MCCC1: variants seen among roughly 807,000 people sequenced by gnomAD.
MCCC1 encodes the protein methylcrotonyl-CoA carboxylase subunit 1.
Under a neutral mutation model 83.8 loss-of-function variants are expected in MCCC1, and 64 were observed. The ratio of observed to expected loss-of-function variants is 0.76; its 90% CI spans 0.62 to 0.94. The LOEUF (loss-of-function observed/expected upper bound fraction) is 0.94, where lower values mean the gene tolerates loss of function less well. MCCC1 is among the 40% of genes least tolerant of loss of function. The pLI is 0.00. For synonymous variants in MCCC1, 322 were observed against 315.4 expected, an observed-to-expected ratio of 1.02 and a Z score of -0.22; for missense variants, 807 against 904.7, an observed-to-expected ratio of 0.89 and a Z score of 1.39.
chr3:183,052,161 G>C lies in MCCC1; in HGVS notation c.953C>G (p.Ala318Gly). Residue 318 changes from alanine (A) to glycine (G), a missense_variant and splice_region_variant, in exon 9 of 19, where the codon GCA (alanine) becomes GGA (glycine). Coordinates refer to ENST00000265594, the MANE Select transcript of MCCC1 (RefSeq NM_020166.5). ...RAAKAVNYVG[A>G]GTVEFIMDSK... The stretch of plus-strand genomic sequence containing the variant: ...ATTAGAAGCAAATCTTAACCTACCT[G>C]CTCCAACATAATTTACAGCTTTAGC... 6.2e-7 allele frequency: 1 copy of C among 1,613,854 alleles called. No homozygotes were observed. Among genetic ancestry groups the C allele is most frequent in the Non-Finnish European group, 8.5e-7 (1 of 1,179,848 alleles).
In MCCC1 at chr3:183,034,454, C is replaced by CAAAA. The variant is rs1281645615; in HGVS notation, c.1595-381_1595-378dup. Reference sequence around the variant, plus strand: ...TGGGCGACAGAGCAAGACTCCGTCTCAAAAAAAAAAAAAAACAAAAAAACA... The same window carrying CAAAA: ...TGGGCGACAGAGCAAGACTCCGTCTCAAAAAAAAAAAAAAAAAAACAAAAAAACA... On this transcript the variant is annotated intron_variant, in intron 13 of 18. Coordinates refer to ENST00000265594, the MANE Select transcript of MCCC1 (RefSeq NM_020166.5). Among the ~76,000 whole-genome samples, 14 of 50,862 alleles carry CAAAA rather than the reference C, an allele frequency of 2.8e-4. 1 individual carries two copies. Among genetic ancestry groups the CAAAA allele is most frequent in the Admixed American group, 5.1e-4 (2 of 3,898 alleles). 33.4% of individuals were successfully genotyped at this position (50,862 alleles called of 152,430 possible).
intron 1 of MCCC1, among the ~76,000 whole-genome samples, chr3:183,096,155 G>A (rs759685836): frequency 2.0e-5 from 3 of 152,140 alleles, no homozygotes; most frequent in Non-Finnish European, 2.9e-5. Context: ...GGCCAACATG[G>A]TGAAACCCCA....
At chr3:183,039,247 C>G (rs1013465654) in intron 11 of MCCC1, 112 bp from the exon 12 acceptor site, 3 of 1,014,354 alleles carry the variant, frequency 3.0e-6, no homozygotes, top group Non-Finnish European at 4.6e-6. Context: ...TAAACCCCTG[C>G]ATGATAAATA....
At chr3:183,103,437 C>T (rs1054159687), upstream of MCCC1, among the ~76,000 whole-genome samples, 7 of 152,220 alleles carry the variant, frequency 4.6e-5, no homozygotes, top group East Asian at 1.4e-3. Context: ...CAAAGGTTCT[C>T]CACGTCCCCA....
chr3:183,105,307 G>T (rs1371172814), intron 1 of MCCC1, among the ~76,000 whole-genome samples: 1 of 152,116 alleles, frequency 6.6e-6, no homozygotes, highest in African/African-American at 2.4e-5. Context: ...TCACGCCATT[G>T]CACCCCAGCC....
At chr3:183,087,723 T>C (rs1359943140) in intron 3 of MCCC1, among the ~76,000 whole-genome samples, 2 of 151,770 alleles carry the variant, frequency 1.3e-5, no homozygotes, top group Non-Finnish European at 2.9e-5. Context: ...AAAAAAAAAT[T>C]AGCTGGGCGT....
upstream of MCCC1, among the ~76,000 whole-genome samples, chr3:183,102,565 A>G (rs571173199): frequency 4.6e-5 from 7 of 152,152 alleles, no homozygotes; most frequent in Non-Finnish European, 1.0e-4. Flanking sequence ...TCTGACCTTC[A>G]TTCTAGATTT....
At position 183,042,146 on chromosome 3, in the gene MCCC1, G is replaced by C. The variant is rs183346921; in HGVS notation, c.1084-396C>G. On this transcript the variant is annotated intron_variant, in intron 10 of 18. Coordinates refer to ENST00000265594, the MANE Select transcript of MCCC1 (RefSeq NM_020166.5). ...TTTTTTAAAAAATAGTATATTATTA[G>C]TGTTTAGGACTAGATTCACAGCCAA... 4.6e-4 allele frequency among the ~76,000 whole-genome samples: 70 copies of C among 152,178 alleles called. 1 individual carries two copies. The highest frequency in any genetic ancestry group is 1.8e-3 in the Admixed American group (28 of 15,290).
chr3:183,067,937 A>C (rs960205577), intron 7 of MCCC1, among the ~76,000 whole-genome samples: 3 of 152,286 alleles, frequency 2.0e-5, no homozygotes, highest in Admixed American at 2.0e-4. Context: ...GTTGGAACTC[A>C]TGAGTTATGA....
intron 15 of MCCC1, 172 bp from the exon 16 acceptor site, chr3:183,022,726 G>A: frequency 1.7e-6 from 1 of 589,618 alleles, no homozygotes; most frequent in Non-Finnish European, 2.9e-6. Context: ...TCCTAACCAA[G>A]ATACTTTACA....
intron 2 of MCCC1, among the ~76,000 whole-genome samples, chr3:183,093,574 G>A (rs1218486454): frequency 1.3e-5 from 2 of 152,082 alleles, no homozygotes; most frequent in Admixed American, 6.5e-5. Context: ...AATATCACAC[G>A]TGAAATAAAT....
At chr3:183,035,228 A>C (rs1392965606) in intron 13 of MCCC1, among the ~76,000 whole-genome samples, 2 of 152,214 alleles carry the variant, frequency 1.3e-5, no homozygotes, top group Non-Finnish European at 2.9e-5. Context: ...TTCCATTCTA[A>C]AAACGTTAAG....
At chr3:183,044,716 C>T (rs1338805408) in intron 10 of MCCC1, among the ~76,000 whole-genome samples, 1 of 152,066 alleles carries the variant, frequency 6.6e-6, no homozygotes, top group Non-Finnish European at 1.5e-5. Context: ...ACAATCTCAC[C>T]TGCTGGCTGC....
intron 14 of MCCC1, among the ~76,000 whole-genome samples, chr3:183,028,754 T>C (rs1577250348): frequency 6.6e-6 from 1 of 152,240 alleles, no homozygotes; most frequent in Admixed American, 6.5e-5. Flanking sequence ...CAGCACTGCA[T>C]GCTGCAGAGA....
At chr3:183,024,535 C>T (rs910176908) in intron 15 of MCCC1, among the ~76,000 whole-genome samples, 2 of 151,618 alleles carry the variant, frequency 1.3e-5, no homozygotes, top group Admixed American at 6.6e-5. Flanking sequence ...AGATGCTCAA[C>T]ATCATTAGTC....
intron 7 of MCCC1, among the ~76,000 whole-genome samples, chr3:183,067,321 G>T (rs1716326004): frequency 6.6e-6 from 1 of 152,194 alleles, no homozygotes; most frequent in African/African-American, 2.4e-5. Context: ...ATAAACCCAT[G>T]GCTGGGCTGG....
At chr3:183,070,014 G>A (rs1716534307) in intron 7 of MCCC1, among the ~76,000 whole-genome samples, 1 of 152,178 alleles carries the variant, frequency 6.6e-6, no homozygotes, top group Non-Finnish European at 1.5e-5. Flanking sequence ...CAACCATTCT[G>A]TTGCTTAGTG....
chr3:183,052,154 C>T lies in MCCC1; in HGVS notation c.955+5G>A. The T allele has an allele frequency of 6.2e-7, 1 of 1,613,760 alleles. No homozygotes were observed. On this transcript the variant is annotated splice_donor_5th_base_variant and intron_variant, in intron 9 of 18. Transcript: ENST00000265594. Reference sequence around the variant, plus strand: ...CTCTTCCATTAGAAGCAAATCTTAACCTACCTGCTCCAACATAATTTACAG... The same window carrying T: ...CTCTTCCATTAGAAGCAAATCTTAATCTACCTGCTCCAACATAATTTACAG...
chr3:183,064,395 G>A lies in MCCC1; in HGVS notation c.761+6604C>T, dbSNP rs970542136. ...ACAAGTAGGAAAATTTGCGAGGTCC[G>A]AGAGGGACTGCAGGAAACGCCTCCC... On this transcript the variant is annotated intron_variant, in intron 7 of 18. Coordinates refer to ENST00000265594, the MANE Select transcript of MCCC1 (RefSeq NM_020166.5). This position sits in a 1 kb window ranked among gnomAD's most constrained non-coding sequence, Gnocchi z 4.5. Among the ~76,000 whole-genome samples the A allele has an allele frequency of 2.4e-4, 36 of 152,156 alleles. No individual in the cohort carries two copies. Among genetic ancestry groups the A allele is most frequent in the Admixed American group, 1.1e-3 (17 of 15,282 alleles).
Sources: allele counts gnomAD v4.1 joint callset (sites outside exome capture counted in the v4.1 genomes callset), GRCh38; gene constraint gnomAD v4.1.1; non-coding constraint Gnocchi (gnomAD v3.1); transcripts MANE v1.5; gene names NCBI Gene and HGNC (gene_info 2026-07-23, HGNC 2026-07-21).